Variants in SEMA5A observed in about 807,000 individuals in gnomAD.
SEMA5A encodes semaphorin 5A, also known as semaphorin-5A.
In SEMA5A, 55 loss-of-function variants were observed where a neutral mutation model predicts 135.5. The ratio of observed to expected loss-of-function variants is 0.41; its 90% confidence interval spans 0.33 to 0.51. SEMA5A has a LOEUF of 0.51. SEMA5A is among the 20% of genes least tolerant of loss of function. SEMA5A has a pLI of 0.37. For missense variants in SEMA5A, 1,290 were observed against 1,419.9 expected (o/e 0.91, Z 1.47); for synonymous variants, 580 against 546.5 (o/e 1.06, Z -0.85).
At chr5:9,333,248 C>T (rs1753240295) in intron 4 of SEMA5A, among the ~76,000 whole-genome samples, 1 of 152,224 alleles carries the variant, frequency 6.6e-6, no homozygotes, top group South Asian at 2.1e-4. Context: ...CCCCACAGTT[C>T]AGTGGCAAAG....
At chr5:9,315,388 C>G (rs1417546646) in intron 5 of SEMA5A, among the ~76,000 whole-genome samples, 1 of 152,148 alleles carries the variant, frequency 6.6e-6, no homozygotes, top group Non-Finnish European at 1.5e-5. Flanking sequence ...TTACAGTTAT[C>G]AAAATCAACA....
At chr5:9,044,761 T>G (rs1736159020) in intron 21 of SEMA5A, among the ~76,000 whole-genome samples, 177 bp from the exon 22 acceptor site, 1 of 152,068 alleles carries the variant, frequency 6.6e-6, no homozygotes, top group South Asian at 2.1e-4. Flanking sequence ...TCAAGAAACT[T>G]CTACACAGGG....
Position 9,122,647 on chromosome 5 carries a change from G to A in SEMA5A, c.1781+9C>T. The A allele has an allele frequency of 1.9e-6, 3 of 1,581,244 alleles. No individual in the cohort carries two copies. Among genetic ancestry groups the A allele is most frequent in the South Asian group, 1.2e-5 (1 of 86,818 alleles). On this transcript the variant is annotated intron_variant, in intron 14 of 22. Transcript: ENST00000382496. ...CAGCAGCACAACTGGCGTGTTCTGA[G>A]CGGCACACCTGGAACAGTTGGCGAT... is the stretch of plus-strand genomic sequence containing the variant.
intron 1 of SEMA5A, among the ~76,000 whole-genome samples, chr5:9,527,607 C>A (rs552775884): frequency 1.3e-5 from 2 of 152,340 alleles, no homozygotes; most frequent in South Asian, 4.1e-4. Flanking sequence ...CAGCTTGTAA[C>A]AAGAATTTCT....
intron 1 of SEMA5A, among the ~76,000 whole-genome samples, chr5:9,507,434 G>C (rs1735953234): frequency 6.6e-6 from 1 of 152,052 alleles, no homozygotes; most frequent in South Asian, 2.1e-4. Flanking sequence ...CCTTCTTCAG[G>C]AATAAATTGA....
chr5:9,083,232 G>T (rs1285588858), intron 16 of SEMA5A, among the ~76,000 whole-genome samples: 2 of 152,114 alleles, frequency 1.3e-5, no homozygotes, highest in Non-Finnish European at 1.5e-5. Flanking sequence ...TCATTTAATG[G>T]ATCTGGGCTT....
intron 11 of SEMA5A, among the ~76,000 whole-genome samples, chr5:9,180,110 T>C (rs1236720544): frequency 6.6e-6 from 1 of 152,188 alleles, no homozygotes; most frequent in Admixed American, 6.5e-5. Flanking sequence ...TTGCCTCTTT[T>C]CTCATCTTAC....
At chr5:9,332,534 T>G (rs771307580) in intron 4 of SEMA5A, among the ~76,000 whole-genome samples, 1 of 150,762 alleles carries the variant, frequency 6.6e-6, no homozygotes, top group Non-Finnish European at 1.5e-5. Flanking sequence ...GCACTCACAT[T>G]GGGTCAGGTG....
At chr5:9,213,236 C>A (rs1370230807) in intron 8 of SEMA5A, among the ~76,000 whole-genome samples, 1 of 152,186 alleles carries the variant, frequency 6.6e-6, no homozygotes, top group Non-Finnish European at 1.5e-5. Flanking sequence ...AATGTTCAGA[C>A]CATAGCACCA....
chr5:9,207,929 AATAG>A (rs1746137746), intron 8 of SEMA5A, among the ~76,000 whole-genome samples: 1 of 151,950 alleles, frequency 6.6e-6, no homozygotes, highest in African/African-American at 2.4e-5. Context: ...GATAGATTTT[AATAG>A]ATGGATGCGC....
At chr5:9,432,796 T>A (rs1216404033) in intron 2 of SEMA5A, among the ~76,000 whole-genome samples, 3 of 152,190 alleles carry the variant, frequency 2.0e-5, no homozygotes, top group African/African-American at 7.2e-5. Context: ...ATACCCACCA[T>A]GTAACATTTA....
chr5:9,265,451 G>T (rs1163023291), intron 5 of SEMA5A: 1 of 456,160 alleles, frequency 2.2e-6, no homozygotes, highest in South Asian at 1.5e-5. Context: ...CCACTGTAAG[G>T]CCTGCCTCCC....
chr5:9,492,092 C>A (rs1260637583), intron 1 of SEMA5A, among the ~76,000 whole-genome samples: 1 of 152,192 alleles, frequency 6.6e-6, no homozygotes, highest in African/African-American at 2.4e-5. Flanking sequence ...ATGACACATT[C>A]TTCTTGGAAC....
At chr5:9,073,059 T>C (rs1470820900) in intron 16 of SEMA5A, among the ~76,000 whole-genome samples, 2 of 152,136 alleles carry the variant, frequency 1.3e-5, no homozygotes, top group African/African-American at 4.8e-5. Context: ...TTGCAGATAA[T>C]TGCAAACGAG....
chr5:9,525,344 T>G (rs1173699988), intron 1 of SEMA5A, among the ~76,000 whole-genome samples: 1 of 152,170 alleles, frequency 6.6e-6, no homozygotes, highest in Non-Finnish European at 1.5e-5. Context: ...GCAGCAACAG[T>G]AAAGGCACCA....
chr5:9,458,384 C>G (rs1300739086), intron 1 of SEMA5A, among the ~76,000 whole-genome samples: 1 of 152,162 alleles, frequency 6.6e-6, no homozygotes, highest in Admixed American at 6.5e-5. Flanking sequence ...CGCTCTTTCT[C>G]AAGCTTTTGA....
At chr5:9,087,077 A>C (rs1738738470) in intron 16 of SEMA5A, among the ~76,000 whole-genome samples, 1 of 152,198 alleles carries the variant, frequency 6.6e-6, no homozygotes, top group African/African-American at 2.4e-5. Flanking sequence ...TGATAGAGAA[A>C]GTATCAAGGG....
chr5:9,467,899 G>A (rs1242204896), intron 1 of SEMA5A, among the ~76,000 whole-genome samples: 13 of 152,186 alleles, frequency 8.5e-5, no homozygotes, highest in African/African-American at 2.7e-4. Flanking sequence ...AACACCATTC[G>A]GGGCACTAAA....
intron 11 of SEMA5A, among the ~76,000 whole-genome samples, chr5:9,172,493 T>C (rs1232467594): frequency 6.6e-6 from 1 of 152,228 alleles, no homozygotes; most frequent in Non-Finnish European, 1.5e-5. Flanking sequence ...CTCTGACAAT[T>C]AATCTTGGTG....
Sources: gnomAD v4.1 joint callset for allele counts (sites outside exome capture counted in the v4.1 genomes callset) on GRCh38, gnomAD v4.1.1 for gene constraint, MANE v1.5 for transcripts, NCBI Gene and HGNC (gene_info 2026-07-23, HGNC 2026-07-21) for gene names.